The following CSMD1 variants were observed in gnomAD, a reference collection of about 807,000 sequenced individuals.
CSMD1 encodes CUB and Sushi multiple domains 1.
In CSMD1, 213 loss-of-function variants were observed where a neutral mutation model predicts 417.5. That is an observed-to-expected ratio of 0.51 (90% CI 0.46 to 0.57). CSMD1 has a LOEUF of 0.57. CSMD1 is among the 20% of genes least tolerant of loss of function. CSMD1 has a pLI of 0.00. For missense variants in CSMD1, 6,923 were observed against 4,529.7 expected, an observed-to-expected ratio of 1.53 and a Z score of -15.17; for synonymous variants, 2,862 against 1,736.8, an observed-to-expected ratio of 1.65 and a Z score of -16.11.
At chr8:4,233,972 G>A (rs556653519) in intron 3 of CSMD1, among the ~76,000 whole-genome samples, 5 of 151,962 alleles carry the variant, frequency 3.3e-5, no homozygotes, top group South Asian at 2.1e-4. Flanking sequence ...GTAAAACGGC[G>A]GGGGGTGGGG....
At chr8:3,682,783 G>T (rs373840363) in intron 7 of CSMD1, among the ~76,000 whole-genome samples, 2 of 152,140 alleles carry the variant, frequency 1.3e-5, no homozygotes, top group African/African-American at 2.4e-5. Flanking sequence ...CAAAGACTTG[G>T]ATCCAACCTA....
chr8:4,859,779 T>G (rs1371604863), intron 1 of CSMD1, among the ~76,000 whole-genome samples: 6 of 151,980 alleles, frequency 3.9e-5, no homozygotes, highest in African/African-American at 1.2e-4. Context: ...GGAGAGGATG[T>G]GGAGAAATAG....
chr8:3,917,020 T>G (rs1188275683), intron 5 of CSMD1, among the ~76,000 whole-genome samples: 1 of 152,196 alleles, frequency 6.6e-6, no homozygotes, highest in Non-Finnish European at 1.5e-5. Flanking sequence ...TTGTTGATAC[T>G]GGAAATTGAT....
chr8:4,206,996 G>A (rs376364361), intron 3 of CSMD1, among the ~76,000 whole-genome samples: 2 of 152,116 alleles, frequency 1.3e-5, no homozygotes, highest in South Asian at 2.1e-4. Flanking sequence ...CTATAAAAAT[G>A]TTTTAGTAGA....
intron 5 of CSMD1, among the ~76,000 whole-genome samples, chr8:3,755,263 G>A (rs1260037636): frequency 2.6e-5 from 4 of 152,118 alleles, no homozygotes; most frequent in Non-Finnish European, 5.9e-5. Flanking sequence ...CAACATAGGT[G>A]GATCATGTTT....
chr8:3,551,803 G>A (rs1422589135), intron 10 of CSMD1, among the ~76,000 whole-genome samples: 1 of 152,104 alleles, frequency 6.6e-6, no homozygotes, highest in Non-Finnish European at 1.5e-5. Flanking sequence ...CATGCTGAGT[G>A]TGACATGCAG....
chr8:4,726,890 A>T (rs1233149092), intron 1 of CSMD1, among the ~76,000 whole-genome samples: 3 of 152,214 alleles, frequency 2.0e-5, no homozygotes, highest in African/African-American at 7.2e-5. Context: ...ATTATTAGAA[A>T]TATGAAGAGC....
At chr8:4,863,569 T>C (rs1207315959) in intron 1 of CSMD1, among the ~76,000 whole-genome samples, 1 of 152,072 alleles carries the variant, frequency 6.6e-6, no homozygotes, top group Admixed American at 6.6e-5. Flanking sequence ...TGCATTTTTT[T>C]AGCAACAATT....
At chr8:3,494,354 G>C (rs1167163911) in intron 10 of CSMD1, among the ~76,000 whole-genome samples, 1 of 152,100 alleles carries the variant, frequency 6.6e-6, no homozygotes, top group Non-Finnish European at 1.5e-5. Context: ...TCTTTCTGTA[G>C]AGCACAAGAT....
At chr8:3,070,775 C>T (rs1271959200) in intron 49 of CSMD1, among the ~76,000 whole-genome samples, 2 of 152,212 alleles carry the variant, frequency 1.3e-5, no homozygotes, top group African/African-American at 4.8e-5. Context: ...TGCCTGTTAC[C>T]CAGTTCCAAA....
chr8:3,750,866 A>G (rs1797303926), intron 6 of CSMD1, among the ~76,000 whole-genome samples: 1 of 152,246 alleles, frequency 6.6e-6, no homozygotes, highest in East Asian at 1.9e-4. Context: ...TGGAGCTTCC[A>G]TTCCTTGGTA....
chr8:4,152,524 CAAA>C (rs11460992), intron 3 of CSMD1, among the ~76,000 whole-genome samples: 1 of 139,442 alleles, frequency 7.2e-6, no homozygotes, highest in Non-Finnish European at 1.5e-5. Context: ...CAGAGAGTAC[CAAA>C]AAAAAAAAAA....
At chr8:3,231,456 G>A (rs953737054) in intron 26 of CSMD1, among the ~76,000 whole-genome samples, 4 of 152,062 alleles carry the variant, frequency 2.6e-5, no homozygotes, top group African/African-American at 9.7e-5. Context: ...TAATGAGTAG[G>A]CTTTGCGTTT....
At chr8:3,670,436 C>G (rs952523826) in intron 7 of CSMD1, among the ~76,000 whole-genome samples, 4 of 149,804 alleles carry the variant, frequency 2.7e-5, no homozygotes, top group Non-Finnish European at 4.4e-5. Context: ...ATAAACTCCC[C>G]TTTATATATA....
chr8:4,508,993 G>C (rs1352282612), intron 2 of CSMD1, among the ~76,000 whole-genome samples: 2 of 152,078 alleles, frequency 1.3e-5, no homozygotes, highest in Non-Finnish European at 2.9e-5. Context: ...TGGATGTGAA[G>C]TCTGTGTTAC....
chr8:4,391,840 G>A (rs1316897598), intron 3 of CSMD1, among the ~76,000 whole-genome samples: 1 of 152,154 alleles, frequency 6.6e-6, no homozygotes, highest in Non-Finnish European at 1.5e-5. Flanking sequence ...TGGCAAACCT[G>A]AGTCAATAGC....
At chr8:3,757,543 C>G (rs1246558996) in intron 5 of CSMD1, among the ~76,000 whole-genome samples, 5 of 152,168 alleles carry the variant, frequency 3.3e-5, no homozygotes, top group Non-Finnish European at 7.3e-5. Context: ...AGTTTGCTGA[C>G]CCCTGCTCTA....
At chr8:3,171,605 G>C (rs1031959810) in intron 37 of CSMD1, among the ~76,000 whole-genome samples, 2 of 152,142 alleles carry the variant, frequency 1.3e-5, no homozygotes, top group Non-Finnish European at 2.9e-5. Context: ...CTGTAGAACA[G>C]AGAATTCTTT....
At chr8:4,117,361 A>G (rs746101101) in intron 3 of CSMD1, among the ~76,000 whole-genome samples, 5 of 151,148 alleles carry the variant, frequency 3.3e-5, no homozygotes, top group East Asian at 3.9e-4. Context: ...CTCATGCTTC[A>G]TAACACCGGG....
Sources: gnomAD v4.1 joint callset for allele counts (sites outside exome capture counted in the v4.1 genomes callset) on GRCh38, gnomAD v4.1.1 for gene constraint, MANE v1.5 for transcripts, NCBI Gene and HGNC (gene_info 2026-07-23, HGNC 2026-07-21) for gene names.